Variants in GFM2 observed in about 807,000 individuals in gnomAD.
The protein encoded by GFM2 is ribosome-releasing factor 2, mitochondrial.
A neutral mutation model predicts 95.4 loss-of-function variants in GFM2; 72 were observed. That is an observed-to-expected ratio of 0.76 (90% confidence interval 0.62 to 0.92). The LOEUF is 0.92. Ranked by LOEUF, GFM2 falls within the 40% of genes least tolerant of loss-of-function variation. The pLI, the probability that GFM2 is intolerant of heterozygous loss-of-function variation, is 0.00. For missense variants in GFM2, 825 were observed against 924.1 expected, an observed-to-expected ratio of 0.89 and a Z score of 1.39; for synonymous variants, 276 against 317.5, an observed-to-expected ratio of 0.87 and a Z score of 1.39.
At chr5:74,743,054 A>G (rs891187010) in intron 10 of GFM2, among the ~76,000 whole-genome samples, 1 of 152,198 alleles carries the variant, frequency 6.6e-6, no homozygotes, top group African/African-American at 2.4e-5. Context: ...CTTGCAAAAC[A>G]AACTCCATAT....
rs748206528 is a variant in GFM2, at chr5:74,746,177, AAAAT to A, written c.609-16_609-13del. On this transcript the variant is annotated splice_polypyrimidine_tract_variant and intron_variant, in intron 8 of 20. Transcript: ENST00000296805. ...CTGCATACTTAAAGCTGTAGAAAGCAAAATAATTATAGTTAAAAACATGGTTAAA... is the reference window on the plus strand; with the variant it reads ...CTGCATACTTAAAGCTGTAGAAAGCAAATTATAGTTAAAAACATGGTTAAA... 21 of 1,432,352 alleles carry A rather than the reference AAAAT, an allele frequency of 1.5e-5. No individual in the cohort carries two copies. In the East Asian group the frequency reaches 1.7e-4, roughly 11 times the overall value. 88.7% of individuals were successfully genotyped at this position (1,432,352 alleles called of 1,614,324 possible).
At chr5:74,762,487 A>G (rs1744333589) in intron 2 of GFM2, among the ~76,000 whole-genome samples, 1 of 152,198 alleles carries the variant, frequency 6.6e-6, no homozygotes, top group South Asian at 2.1e-4. Context: ...CTTTCTTCAC[A>G]ATTTCATGGA....
intron 8 of GFM2, among the ~76,000 whole-genome samples, chr5:74,746,578 C>T (rs1282470134): frequency 6.6e-6 from 1 of 152,184 alleles, no homozygotes; most frequent in Non-Finnish European, 1.5e-5. Context: ...AGCTTTCTTC[C>T]AAGAGCCTGC....
At chr5:74,722,931 G>T (rs552548896) in intron 19 of GFM2, among the ~76,000 whole-genome samples, 52 of 151,960 alleles carry the variant, frequency 3.4e-4, no homozygotes, top group South Asian at 2.3e-3. Context: ...AAAGGGGAGA[G>T]CTTAAAAAAA....
At chr5:74,725,804 G>T in intron 18 of GFM2, 49 bp from the exon 19 acceptor site, 1 of 1,479,718 alleles carries the variant, frequency 6.8e-7, no homozygotes, top group Non-Finnish European at 9.4e-7. Context: ...TGTGAAGTGA[G>T]AAGTAACTGA....
At chr5:74,732,394 G>A (rs976595891) in intron 16 of GFM2, among the ~76,000 whole-genome samples, 2 of 151,898 alleles carry the variant, frequency 1.3e-5, no homozygotes, top group African/African-American at 2.4e-5. Context: ...AACTAAATCA[G>A]TTTATCCTTT....
chr5:74,739,795 T>C (rs1743021998), intron 12 of GFM2, among the ~76,000 whole-genome samples, 194 bp downstream of exon 12: 1 of 152,170 alleles, frequency 6.6e-6, no homozygotes, highest in Non-Finnish European at 1.5e-5. Context: ...GCTCTATGTG[T>C]AAGACATCTC....
chr5:74,750,470 T>C (rs1268961176), intron 7 of GFM2, 109 bp downstream of exon 7: 1 of 639,872 alleles, frequency 1.6e-6, no homozygotes, highest in South Asian at 2.0e-5. Context: ...CATTATTTGA[T>C]TTATGTGAAC....
At chr5:74,747,822 TA>T (rs1293319197) in intron 7 of GFM2, 42 bp from the exon 8 acceptor site, 8 of 1,118,582 alleles carry the variant, frequency 7.2e-6, no homozygotes, top group Non-Finnish European at 9.4e-6. Context: ...TGAACAAAAG[TA>T]ACTATGTTAC....
intron 1 of GFM2, among the ~76,000 whole-genome samples, chr5:74,766,107 A>G (rs1580041180): frequency 6.6e-6 from 1 of 152,184 alleles, no homozygotes. Context: ...GGAGTTCGAG[A>G]CCAGCCTGGG....
At chr5:74,758,572 A>G (rs547930032) in intron 5 of GFM2, among the ~76,000 whole-genome samples, 8 of 152,294 alleles carry the variant, frequency 5.3e-5, no homozygotes, top group Non-Finnish European at 1.2e-4. Context: ...AGAAACACCT[A>G]ATGCTGGTCT....
chr5:74,763,882 T>A, intron 1 of GFM2, 116 bp from the exon 2 acceptor site: 1 of 545,402 alleles, frequency 1.8e-6, no homozygotes, highest in Non-Finnish European at 3.2e-6. Context: ...TTTTAAAAAG[T>A]TGGAACAATA....
intron 12 of GFM2, 81 bp downstream of exon 12, chr5:74,739,907 AT>A: frequency 9.9e-7 from 1 of 1,005,830 alleles, no homozygotes; most frequent in Non-Finnish European, 1.4e-6. Context: ...AAAAATGGTG[AT>A]TTAACTACTT....
At chr5:74,734,479 A>G (rs921463341) in intron 15 of GFM2, among the ~76,000 whole-genome samples, 2 of 152,116 alleles carry the variant, frequency 1.3e-5, no homozygotes, top group Non-Finnish European at 2.9e-5. Flanking sequence ...CTGGAGTCTG[A>G]CAGAAATGCG....
intron 5 of GFM2, among the ~76,000 whole-genome samples, chr5:74,755,157 G>C (rs1024040401): frequency 6.6e-6 from 1 of 152,022 alleles, no homozygotes; most frequent in African/African-American, 2.4e-5. Flanking sequence ...AATATTTACA[G>C]AACATTCTTC....
At chr5:74,744,751 C>G (rs1383255888) in intron 10 of GFM2, among the ~76,000 whole-genome samples, 2 of 152,008 alleles carry the variant, frequency 1.3e-5, no homozygotes, top group African/African-American at 2.4e-5. Flanking sequence ...AAACTATTGC[C>G]CATGTGCACA....
At chr5:74,727,488 C>G (rs1426181707) in intron 17 of GFM2, among the ~76,000 whole-genome samples, 1 of 152,182 alleles carries the variant, frequency 6.6e-6, no homozygotes, top group Non-Finnish European at 1.5e-5. Flanking sequence ...CCCTACTCCC[C>G]AACTTCTAAC....
Position 74,721,255 on chromosome 5 carries a change from CTG to C in GFM2, c.*398_*399del, listed in dbSNP as rs56312827. The stretch of plus-strand genomic sequence containing the variant: ...AAATCATGTAAAATAAGATATTAGA[CTG>C]TTTTTTGAATAAAATATTTTTATTG... On this transcript the variant is annotated 3_prime_UTR_variant, in exon 21 of 21. Coordinates refer to ENST00000296805, the MANE Select transcript of GFM2 (RefSeq NM_032380.5). 0.11 allele frequency: 127,229 copies of C among 1,121,738 alleles called. 8,210 individuals carry two copies. Among genetic ancestry groups the C allele is most frequent in the East Asian group, 0.16 (6,374 of 40,922 alleles). 69.5% of individuals were successfully genotyped at this position (1,121,738 alleles called of 1,614,324 possible). A position where few individuals can be genotyped will look rare whatever the true frequency, so the allele number is the denominator to read the frequency against.
Position 74,721,243 on chromosome 5 carries a change from T to A in GFM2, c.*412A>T. Reference sequence around the variant, plus strand: ...AACTTTATTTTGAAATCATGTAAAATAAGATATTAGACTGTTTTTTGAATA... The same window carrying A: ...AACTTTATTTTGAAATCATGTAAAAAAAGATATTAGACTGTTTTTTGAATA... On this transcript the variant is annotated 3_prime_UTR_variant, in exon 21 of 21. Coordinates refer to ENST00000296805, the MANE Select transcript of GFM2 (RefSeq NM_032380.5). The A allele has an allele frequency of 1.6e-6, 2 of 1,231,444 alleles. No individual in the cohort carries two copies. Among genetic ancestry groups the A allele is most frequent in the Non-Finnish European group, 2.4e-6 (2 of 833,560 alleles). 76.3% of individuals were successfully genotyped at this position (1,231,444 alleles called of 1,614,324 possible). A position where few individuals can be genotyped will look rare whatever the true frequency, so the allele number is the denominator to read the frequency against.
Sources: allele counts gnomAD v4.1 joint callset (sites outside exome capture counted in the v4.1 genomes callset), GRCh38; gene constraint gnomAD v4.1.1; transcripts MANE v1.5; gene names NCBI Gene and HGNC (gene_info 2026-07-23, HGNC 2026-07-21).